MAGI2: variants seen among roughly 807,000 people sequenced by gnomAD.
MAGI2 encodes the protein membrane associated guanylate kinase, WW and PDZ domain containing 2, also known as membrane-associated guanylate kinase, WW and PDZ domain-containing protein 2.
Under a neutral mutation model 133.3 loss-of-function variants are expected in MAGI2, and 35 were observed. The ratio of observed to expected loss-of-function variants is 0.26; its 90% confidence interval spans 0.20 to 0.35. The LOEUF is 0.35. Among genes scored for constraint, MAGI2 ranks in the 10% least tolerant of loss-of-function variants. The pLI is 1.00. For missense variants in MAGI2, 1,636 were observed against 1,863.4 expected, an observed-to-expected ratio of 0.88 and a Z score of 2.25; for synonymous variants, 729 against 710.6, an observed-to-expected ratio of 1.03 and a Z score of -0.41.
chr7:79,186,399 T>C (rs773320498), intron 1 of MAGI2, among the ~76,000 whole-genome samples: 163 of 149,342 alleles, frequency 1.1e-3, no homozygotes, highest in Non-Finnish European at 1.7e-3. Context: ...TGAAAGAAAA[T>C]AGAAAACATC....
At chr7:78,908,658 G>C (rs1346967988) in intron 2 of MAGI2, among the ~76,000 whole-genome samples, 1 of 152,158 alleles carries the variant, frequency 6.6e-6, no homozygotes, top group Non-Finnish European at 1.5e-5. Context: ...CTGATGCTGA[G>C]AGCACTAAGA....
intron 2 of MAGI2, among the ~76,000 whole-genome samples, chr7:78,901,919 A>G (rs1797646149): frequency 6.6e-6 from 1 of 152,288 alleles, no homozygotes; most frequent in Non-Finnish European, 1.5e-5. Flanking sequence ...ATGGAAATAA[A>G]GCCGATCCAA....
At chr7:78,191,314 GA>G (rs1366048306) in intron 12 of MAGI2, among the ~76,000 whole-genome samples, 1 of 151,828 alleles carries the variant, frequency 6.6e-6, no homozygotes, top group Non-Finnish European at 1.5e-5. Flanking sequence ...TGTCTTGATT[GA>G]ATATGAATTT....
At chr7:79,415,412 C>T (rs1240514150) in intron 1 of MAGI2, 1 of 152,064 alleles carries the variant, frequency 6.6e-6, no homozygotes, top group Admixed American at 6.6e-5. Context: ...ACTGATGGAC[C>T]CATCAAGCAG....
intron 1 of MAGI2, among the ~76,000 whole-genome samples, chr7:79,229,999 G>A (rs541998083): frequency 1.5e-5 from 2 of 132,094 alleles, no homozygotes; most frequent in East Asian, 4.7e-4. Context: ...GTGTCCATGT[G>A]ATCTCATTGT....
At chr7:78,349,834 T>C (rs1319271999) in intron 7 of MAGI2, among the ~76,000 whole-genome samples, 1 of 152,188 alleles carries the variant, frequency 6.6e-6, no homozygotes, top group African/African-American at 2.4e-5. Context: ...CCAAAATGAA[T>C]AGTTTCAAGT....
intron 1 of MAGI2, among the ~76,000 whole-genome samples, chr7:79,370,646 C>CTT (rs58805216): frequency 0.31 from 46,750 of 149,156 alleles, 7,770 homozygotes; most frequent in African/African-American, 0.43. Flanking sequence ...TCCATTAGTT[C>CTT]TTTTTTTTTT....
intron 9 of MAGI2, among the ~76,000 whole-genome samples, chr7:78,298,940 C>T (rs1039120265): frequency 5.3e-5 from 8 of 151,580 alleles, no homozygotes; most frequent in Non-Finnish European, 8.8e-5. Flanking sequence ...CTCAGCCTCC[C>T]GAGTAGCTGG....
rs57950337 is a variant in MAGI2 at position 78,876,321 on chromosome 7, C to CA, written c.418+130768dup. Among the ~76,000 whole-genome samples the CA allele has an allele frequency of 5.9e-3, 473 of 79,572 alleles. 12 individuals are homozygous for CA. In the South Asian group the frequency reaches 0.09, roughly 15 times the overall value. 52.2% of individuals were successfully genotyped at this position (79,572 alleles called of 152,430 possible). A position where few individuals can be genotyped will look rare whatever the true frequency, so the allele number is the denominator to read the frequency against. On this transcript the variant is annotated intron_variant, in intron 2 of 21. Transcript: ENST00000354212. ...CGGGTGACAGAGCAAGACTCCGTCTCAAAAAAAAAAAAAAAAAAAAATTGG... is the reference window on the plus strand; with the variant it reads ...CGGGTGACAGAGCAAGACTCCGTCTCAAAAAAAAAAAAAAAAAAAAAATTGG...
intron 21 of MAGI2, among the ~76,000 whole-genome samples, chr7:78,034,688 T>C (rs1809986328): frequency 6.6e-6 from 1 of 152,186 alleles, no homozygotes; most frequent in African/African-American, 2.4e-5. Context: ...CCACCACGCC[T>C]GGCTAATTTT....
chr7:78,370,079 TAAA>T (rs1205689479), intron 6 of MAGI2, among the ~76,000 whole-genome samples: 2 of 152,094 alleles, frequency 1.3e-5, no homozygotes, highest in Admixed American at 6.6e-5. Flanking sequence ...CAGTGAAGTT[TAAA>T]AAGTTTTATT....
chr7:79,284,410 A>G (rs539071374), intron 1 of MAGI2, among the ~76,000 whole-genome samples: 16 of 152,034 alleles, frequency 1.1e-4, no homozygotes, highest in Non-Finnish European at 1.9e-4. Context: ...TGGGACTTCA[A>G]TTGGTCTGGC....
chr7:79,330,744 G>A (rs1840019932), intron 1 of MAGI2, among the ~76,000 whole-genome samples: 1 of 151,972 alleles, frequency 6.6e-6, no homozygotes, highest in Non-Finnish European at 1.5e-5. Context: ...AGATTGTTGT[G>A]AGGATTAAAT....
chr7:78,983,560 A>G (rs1293598691), intron 2 of MAGI2, among the ~76,000 whole-genome samples: 1 of 151,892 alleles, frequency 6.6e-6, no homozygotes, highest in Non-Finnish European at 1.5e-5. Flanking sequence ...TATGCCAATA[A>G]TCTCTATCAG....
At chr7:78,904,808 G>T (rs113327836) in intron 2 of MAGI2, among the ~76,000 whole-genome samples, 4 of 151,864 alleles carry the variant, frequency 2.6e-5, no homozygotes, top group African/African-American at 9.7e-5. Flanking sequence ...CCTGGCCCCC[G>T]GGCAATAAAG....
chr7:79,212,986 A>G (rs1232688912), intron 1 of MAGI2, among the ~76,000 whole-genome samples: 1 of 151,922 alleles, frequency 6.6e-6, no homozygotes, highest in Non-Finnish European at 1.5e-5. Flanking sequence ...ACTAATGGGA[A>G]GTGGTTATGC....
At chr7:79,429,073 C>A (rs1847594310) in intron 1 of MAGI2, among the ~76,000 whole-genome samples, 1 of 151,910 alleles carries the variant, frequency 6.6e-6, no homozygotes, top group African/African-American at 2.4e-5. Flanking sequence ...ATCCCTGAAA[C>A]CAAGCCCATA....
chr7:79,067,506 T>G (rs1299722254), intron 1 of MAGI2, among the ~76,000 whole-genome samples: 1 of 152,192 alleles, frequency 6.6e-6, no homozygotes, highest in Non-Finnish European at 1.5e-5. Flanking sequence ...GATTCAGGGC[T>G]GAGATGATGG....
chr7:78,592,458 G>T (rs1804113232), intron 3 of MAGI2, among the ~76,000 whole-genome samples: 1 of 151,746 alleles, frequency 6.6e-6, no homozygotes, highest in Non-Finnish European at 1.5e-5. Flanking sequence ...CCATAGATGT[G>T]ATTAGAGCAA....
Sources: gnomAD v4.1 joint callset for allele counts (sites outside exome capture counted in the v4.1 genomes callset) on GRCh38, gnomAD v4.1.1 for gene constraint, MANE v1.5 for transcripts, NCBI Gene and HGNC (gene_info 2026-07-23, HGNC 2026-07-21) for gene names.